The following ZNF862 variants were observed in gnomAD, a reference collection of about 807,000 sequenced individuals.
ZNF862 encodes zinc finger protein 862.
Under a neutral mutation model 91.1 loss-of-function variants are expected in ZNF862, and 64 were observed. That is an observed-to-expected ratio of 0.70 (90% confidence interval 0.57 to 0.87). The LOEUF (loss-of-function observed/expected upper bound fraction) is 0.87. Among genes scored for constraint, ZNF862 ranks in the 40% least tolerant of loss-of-function variants. The pLI, the probability that ZNF862 is intolerant of heterozygous loss-of-function variation, is 0.00. For missense variants in ZNF862, 1,459 were observed against 1,528.0 expected, an observed-to-expected ratio of 0.95 and a Z score of 0.75; for synonymous variants, 631 against 618.1, an observed-to-expected ratio of 1.02 and a Z score of -0.31.
chr7:149,854,258 G>A (rs571223044), intron 5 of ZNF862, among the ~76,000 whole-genome samples: 1 of 152,186 alleles, frequency 6.6e-6, no homozygotes, highest in East Asian at 1.9e-4. Flanking sequence ...ATTTCAGTGA[G>A]TGCAATGCCT....
intron 5 of ZNF862, among the ~76,000 whole-genome samples, chr7:149,856,730 C>T (rs7783965): frequency 0.028 from 4,220 of 152,240 alleles, 201 homozygotes; most frequent in African/African-American, 0.096. Context: ...CTGAGATGTG[C>T]CTTTGTCTCT....
rs1802473288 is a variant in ZNF862 at position 149,861,157 on chromosome 7, C to T, written c.1997C>T (p.Thr666Ile). The T allele has an allele frequency of 1.2e-6, 2 of 1,613,054 alleles. No homozygotes were observed. Among genetic ancestry groups the T allele is most frequent in the Non-Finnish European group, 1.7e-6 (2 of 1,179,854 alleles). ...ACTCTGGCCCCTCTCTACAGTGAGACAGCAGATGGGTACTTCGAGACCATC... is the reference window on the plus strand; with the variant it reads ...ACTCTGGCCCCTCTCTACAGTGAGATAGCAGATGGGTACTTCGAGACCATC... ...YITLAPLYSE[T>I]ADGYFETIVS... Residue 666 changes from threonine (T) to isoleucine (I), a missense_variant, in exon 7 of 8, where the codon ACA (threonine) becomes ATA (isoleucine). Transcript: ENST00000223210. This position sits in a 1 kb window ranked among gnomAD's most constrained non-coding sequence, Gnocchi z 6.7.
intron 2 of ZNF862, among the ~76,000 whole-genome samples, chr7:149,845,845 T>C (rs1294466003): frequency 6.6e-6 from 1 of 152,168 alleles, no homozygotes; most frequent in African/African-American, 2.4e-5. Context: ...TCTTCTGTTA[T>C]ATTACCAGGC....
At position 149,847,331 on chromosome 7, in the gene ZNF862, C is replaced by T. The variant is rs115392365; in HGVS notation, c.242-404C>T. On this transcript the variant is annotated intron_variant, in intron 3 of 7. Transcript: ENST00000223210. ...AGGTAGCTTTCTTCCCCTGGAGTTG[C>T]GGTGTGTGGCTTTAGTGATCTTTTT... 8.0e-3 allele frequency among the ~76,000 whole-genome samples: 1,217 copies of T among 152,224 alleles called. 13 individuals are homozygous for T. Among genetic ancestry groups the T allele is most frequent in the African/African-American group, 0.025 (1,044 of 41,522 alleles).
chr7:149,849,314 A>C (rs1270691184), intron 4 of ZNF862, among the ~76,000 whole-genome samples: 1 of 152,178 alleles, frequency 6.6e-6, no homozygotes, highest in Non-Finnish European at 1.5e-5. Flanking sequence ...ATCTGCCCAG[A>C]GTCCTGAGCT....
chr7:149,848,009 C>A lies in ZNF862; in HGVS notation c.516C>A (p.Asp172Glu). Residue 172 changes from aspartate to glutamate, a missense_variant, in exon 4 of 8, where the codon GAC becomes GAA. By Grantham distance (45) the Asp-to-Glu change is conservative (BLOSUM62 2). Transcript: ENST00000223210. ...GCCGAGAATACCCCTCCATCAGGGA[C>A]AAACGGTCAAGACTAATAGAAGGTT... ...SACREYPSIR[D>E]KRSRLIEGYT... is the part of the protein sequence containing the mutation. The A allele has an allele frequency of 6.2e-7, 1 of 1,613,598 alleles. No individual in the cohort carries two copies. Among genetic ancestry groups the A allele is most frequent in the Non-Finnish European group, 8.5e-7 (1 of 1,179,706 alleles).
chr7:149,839,423 T>C (rs1404841595), intron 1 of ZNF862, among the ~76,000 whole-genome samples: 2 of 152,216 alleles, frequency 1.3e-5, no homozygotes, highest in African/African-American at 4.8e-5. Context: ...CGACTGTTTA[T>C]TGAGTCCCTT....
Position 149,852,644 on chromosome 7 carries a change from G to A in ZNF862, c.1117+2306G>A, listed in dbSNP as rs534149035. The A allele has an allele frequency of 2.6e-5, 4 of 152,266 alleles. No individual in the cohort carries two copies. The East Asian group carries it at 5.8e-4, about 22-fold the overall frequency. 9.4% of individuals were successfully genotyped at this position (152,266 alleles called of 1,614,324 possible). A position where few individuals can be genotyped will look rare whatever the true frequency, so the allele number is the denominator to read the frequency against. On this transcript the variant is annotated intron_variant, in intron 5 of 7. Coordinates refer to ENST00000223210, the MANE Select transcript of ZNF862 (RefSeq NM_001099220.3). The stretch of plus-strand genomic sequence containing the variant: ...CTTAGCCCCCAAAGTGTTGGATTAC[G>A]GCGTGAGCCACTGCACCTGGCTTGC...
At chr7:149,859,357 C>A in intron 5 of ZNF862, 65 bp from the exon 6 acceptor site, 1 of 1,373,754 alleles carries the variant, frequency 7.3e-7, no homozygotes, top group Non-Finnish European at 1.0e-6. Context: ...CTGGGTCTAG[C>A]TTGAGGGGGC....
At chr7:149,851,469 C>G (rs1013739593) in intron 5 of ZNF862, 1 of 152,208 alleles carries the variant, frequency 6.6e-6, no homozygotes, top group East Asian at 1.9e-4. Flanking sequence ...TATCACTGCC[C>G]GTGCTGTGCT....
Position 149,864,354 on chromosome 7 carries a change from AGGC to A in ZNF862, c.*71_*73del. The A allele has an allele frequency of 6.8e-7, 1 of 1,463,902 alleles. No homozygotes were observed. Among genetic ancestry groups the A allele is most frequent in the Admixed American group, 2.2e-5 (1 of 44,580 alleles). The allele number at this position is 1,463,902 out of a possible 1,614,324, so 90.7% of individuals were successfully genotyped here. ...CACTGGGACAGGCTCTGCAGATTCT[AGGC>A]TGCCCTAGGATCTTCTGCTGGTGGC... On this transcript the variant is annotated 3_prime_UTR_variant, in exon 8 of 8. Coordinates refer to ENST00000223210, the MANE Select transcript of ZNF862 (RefSeq NM_001099220.3).
At chr7:149,841,331 T>C (rs191554015) in intron 1 of ZNF862, 1 of 985,442 alleles carries the variant, frequency 1.0e-6, no homozygotes, top group Non-Finnish European at 1.2e-6. Flanking sequence ...TGGATTGATA[T>C]CCCACATTGA....
chr7:149,862,913 T>C (rs1170746028), intron 7 of ZNF862, among the ~76,000 whole-genome samples: 1 of 151,826 alleles, frequency 6.6e-6, no homozygotes, highest in Admixed American at 6.6e-5. Context: ...CTGCTGGGAG[T>C]AAGGAGAGGG....
chr7:149,843,389 G>A (rs1482639677), intron 1 of ZNF862, among the ~76,000 whole-genome samples: 1 of 151,972 alleles, frequency 6.6e-6, no homozygotes, highest in East Asian at 1.9e-4. Context: ...TGTTTTCATG[G>A]CACAAAACTT....
At position 149,864,234 on chromosome 7, in the gene ZNF862, G is replaced by A. The variant is rs62621237; in HGVS notation, c.3460G>A (p.Glu1154Lys). The A allele has an allele frequency of 0.034, 53,803 of 1,601,770 alleles. 1,014 individuals carry two copies. The highest frequency in any genetic ancestry group is 0.044 in the Middle Eastern group (237 of 5,424). ...GAAGGACTGCATCATGGAGCCTCCC[G>A]AGAGACTCCTGTATCCCCACACCAG... ...VLKDCIMEPP[E>K]RLLYPHTSQE... The change falls in exon 8 of 8, where the codon GAG (glutamate) becomes AAG (lysine). Residue 1154 changes from glutamate to lysine, a missense_variant. Transcript: ENST00000223210.
At position 149,847,859 on chromosome 7, in the gene ZNF862, C is replaced by G. The variant is rs191203698; in HGVS notation, c.366C>G (p.Ile122Met). ...LSHLSTGSGH[I>M]EGDWAGRNRK... ...ACCTCAGTACAGGCAGTGGACACAT[C>G]GAGGGAGACTGGGCCGGAAGAAACA... is the stretch of plus-strand genomic sequence containing the variant. Residue 122 changes from isoleucine (I) to methionine (M), a missense_variant, in exon 4 of 8, where the codon ATC becomes ATG. Coordinates refer to ENST00000223210, the MANE Select transcript of ZNF862 (RefSeq NM_001099220.3). 17 of 1,612,784 alleles carry G rather than the reference C, an allele frequency of 1.1e-5. No individual in the cohort carries two copies. Among genetic ancestry groups the G allele is most frequent in the Admixed American group, 3.3e-5 (2 of 59,826 alleles).
intron 5 of ZNF862, chr7:149,859,166 T>C: frequency 1.9e-6 from 1 of 539,382 alleles, no homozygotes; most frequent in Non-Finnish European, 3.4e-6. Context: ...TTCTTCCTGT[T>C]TCCACCCTTC....
rs1177674602 is a variant in ZNF862, at chr7:149,861,514, A to G, written c.2354A>G (p.Asn785Ser). The change falls in exon 7 of 8, where the codon AAT becomes AGT. Residue 785 changes from asparagine to serine, a missense_variant. Asn to Ser is a conservative substitution (Grantham distance 46). Coordinates refer to ENST00000223210, the MANE Select transcript of ZNF862 (RefSeq NM_001099220.3). This position sits in a 1 kb window ranked among gnomAD's most constrained non-coding sequence, Gnocchi z 6.7. ...GAGATCATCCGCCTGAAGGATCTGAATGCGGTCCGCTGGGTGGCCAGCAGG... is the reference window on the plus strand; with the variant it reads ...GAGATCATCCGCCTGAAGGATCTGAGTGCGGTCCGCTGGGTGGCCAGCAGG... ...EQEIIRLKDL[N>S]AVRWVASRRR... is the part of the protein sequence containing the mutation. 1 of 1,609,586 alleles carries G rather than the reference A, an allele frequency of 6.2e-7. No individual in the cohort carries two copies. Among genetic ancestry groups the G allele is most frequent in the Non-Finnish European group, 8.5e-7 (1 of 1,178,456 alleles).
rs1463722298 is a variant in ZNF862 at position 149,860,406 on chromosome 7, A to G, written c.1246A>G (p.Arg416Gly). ...AGGGAACAAGAAGATGGTGGCAGTG[A>G]GAGAGGCAGACACACAGGCCTCGGC... ...PPGNKKMVAV[R>G]EADTQASAAD... Residue 416 changes from arginine to glycine, a missense_variant, in exon 7 of 8, where the codon AGA (arginine) becomes GGA (glycine). Coordinates refer to ENST00000223210, the MANE Select transcript of ZNF862 (RefSeq NM_001099220.3). 3.7e-6 allele frequency: 6 copies of G among 1,611,366 alleles called. No homozygotes were observed. Among genetic ancestry groups the G allele is most frequent in the Non-Finnish European group, 5.1e-6 (6 of 1,178,724 alleles).
Sources: gnomAD v4.1 joint callset for allele counts (sites outside exome capture counted in the v4.1 genomes callset) on GRCh38, gnomAD v4.1.1 for gene constraint, Gnocchi (gnomAD v3.1) non-coding constraint, MANE v1.5 for transcripts, NCBI Gene and HGNC (gene_info 2026-07-23, HGNC 2026-07-21) for gene names.